Variants in NDUFS1 observed in about 807,000 individuals in gnomAD.
The protein encoded by NDUFS1 is NADH-ubiquinone oxidoreductase 75 kDa subunit, mitochondrial.
A neutral mutation model predicts 84.4 loss-of-function variants in NDUFS1; 61 were observed. The ratio of observed to expected loss-of-function variants is 0.72; its 90% CI spans 0.59 to 0.89. NDUFS1 has a LOEUF of 0.89. Ranked by LOEUF, NDUFS1 falls within the 40% of genes least tolerant of loss-of-function variation. NDUFS1 has a pLI of 0.00. For synonymous variants in NDUFS1, 275 were observed against 290.0 expected (o/e 0.95, Z 0.53); for missense variants, 891 against 890.0 (o/e 1.00, Z -0.01).
rs552008380 is a variant in NDUFS1, at chr2:206,153,717, G to GA, written c.-4-36dup. 4,008 of 1,166,580 alleles carry GA rather than the reference G, an allele frequency of 3.4e-3. 14 individuals carry two copies. The highest frequency in any genetic ancestry group is 4.2e-3 in the Non-Finnish European group (3,358 of 797,040). The allele number at this position is 1,166,580 out of a possible 1,614,324, so 72.3% of individuals were successfully genotyped here. ...AAACAAAGAATTATATTATTGTAGG[G>GA]AAAAAAACAATCACCAACTGTTTGG... is the stretch of plus-strand genomic sequence containing the variant. On this transcript the variant is annotated intron_variant, in intron 1 of 18. Transcript: ENST00000233190.
intron 4 of NDUFS1, 127 bp from the exon 5 acceptor site, chr2:206,149,223 G>C (rs1692277729): frequency 4.1e-6 from 3 of 735,314 alleles, no homozygotes; most frequent in Non-Finnish European, 6.7e-6. Context: ...GCAAAGAATA[G>C]GGTATTTTTT....
chr2:206,128,092 CTA>C (rs1691363371), intron 15 of NDUFS1, 120 bp from the exon 16 acceptor site: 4 of 1,124,188 alleles, frequency 3.6e-6, no homozygotes, highest in Non-Finnish European at 5.2e-6. Flanking sequence ...GTTTTTAAAA[CTA>C]AAATGAAACA....
At chr2:206,157,248 G>A (rs942624899) in intron 1 of NDUFS1, among the ~76,000 whole-genome samples, 23 of 152,256 alleles carry the variant, frequency 1.5e-4, no homozygotes, top group African/African-American at 5.1e-4. Flanking sequence ...ACCGCGCCTG[G>A]CAGACAACCA....
chr2:206,137,712 A>G (rs1691775356), intron 13 of NDUFS1, among the ~76,000 whole-genome samples: 1 of 152,216 alleles, frequency 6.6e-6, no homozygotes, highest in South Asian at 2.1e-4. Context: ...GGGAAAAGCA[A>G]AACAATAAAG....
At chr2:206,125,873 G>C (rs755834482) in intron 18 of NDUFS1, among the ~76,000 whole-genome samples, 10 of 152,054 alleles carry the variant, frequency 6.6e-5, no homozygotes, top group Non-Finnish European at 1.5e-4. Context: ...TAAGTTCGCA[G>C]ATAAATACCA....
intron 18 of NDUFS1, 121 bp from the exon 19 acceptor site, chr2:206,124,397 A>T (rs553647073): frequency 1.3e-6 from 1 of 743,906 alleles, no homozygotes; most frequent in South Asian, 1.5e-5. Flanking sequence ...GCAAGTATAT[A>T]TAATTATATG....
intron 3 of NDUFS1, among the ~76,000 whole-genome samples, chr2:206,150,461 C>T (rs1044596624): frequency 2.6e-5 from 4 of 152,214 alleles, no homozygotes; most frequent in African/African-American, 9.6e-5. Flanking sequence ...TCTGCAATTT[C>T]TTCCTCCTTT....
intron 7 of NDUFS1, 138 bp from the exon 8 acceptor site, chr2:206,147,226 T>C: frequency 1.1e-6 from 1 of 909,210 alleles, no homozygotes. Flanking sequence ...AGTCCTAGAA[T>C]AAAAAATAAT....
At chr2:206,145,086 C>A in intron 8 of NDUFS1, 60 bp from the exon 9 acceptor site, 1 of 1,511,664 alleles carries the variant, frequency 6.6e-7, no homozygotes, top group Non-Finnish European at 8.9e-7. Flanking sequence ...GTTTCTGTTA[C>A]CTGGTTTACC....
rs532867655 is a variant in NDUFS1 at position 206,115,640 on chromosome 2, T to A, written c.*8545A>T. On this transcript the variant is annotated 3_prime_UTR_variant, in exon 19 of 19. Transcript: ENST00000233190. ...AAAAACAGCACCAGCAAATGCAGTG[T>A]ATTGCAAAATTAAGATAGTGTTGTT... The A allele has an allele frequency of 1.2e-5, 4 of 330,174 alleles. No individual in the cohort carries two copies. The highest frequency in any genetic ancestry group is 6.5e-5 in the African/African-American group (3 of 45,824). 20.5% of individuals were successfully genotyped at this position (330,174 alleles called of 1,614,324 possible).
At chr2:206,136,579 G>A (rs1172555513) in intron 13 of NDUFS1, among the ~76,000 whole-genome samples, 1 of 151,292 alleles carries the variant, frequency 6.6e-6, no homozygotes, top group Admixed American at 6.6e-5. Flanking sequence ...GATTACAGGT[G>A]CCCATCACCA....
In NDUFS1 at chr2:206,138,582, A is replaced by C; in HGVS notation, c.1295T>G (p.Ile432Arg). ...GTAAGTGAGGTCCACTGGACTGCCT[A>C]TAAGGGCCACTTTTAAGTCATTATG... ...WLHNDLKVALIGSPVDLTYTY... is the reference protein window; with the variant it reads ...WLHNDLKVALRGSPVDLTYTY... The change falls in exon 13 of 19, where the codon ATA (isoleucine) becomes AGA (arginine). Residue 432 changes from isoleucine to arginine, a missense_variant. Physicochemically the swap from Ile to Arg is moderately conservative, Grantham distance 97. Coordinates refer to ENST00000233190, the MANE Select transcript of NDUFS1 (RefSeq NM_005006.7). 6.2e-7 allele frequency: 1 copy of C among 1,614,006 alleles called. No homozygotes were observed. Among genetic ancestry groups the C allele is most frequent in the Non-Finnish European group, 8.5e-7 (1 of 1,179,866 alleles).
In NDUFS1 at chr2:206,142,086, TA is replaced by T; in HGVS notation, c.1134-18del. ...AAATCTGTGCTAGAAATACAATATA[TA>T]AAATGCAAATTTACTTTAAAATTAA... On this transcript the variant is annotated intron_variant, in intron 11 of 18. Coordinates refer to ENST00000233190, the MANE Select transcript of NDUFS1 (RefSeq NM_005006.7). 6.4e-7 allele frequency: 1 copy of T among 1,566,600 alleles called. No homozygotes were observed. The highest frequency in any genetic ancestry group is 8.8e-7 in the Non-Finnish European group (1 of 1,137,424).
chr2:206,143,179 G>T (rs1692029123), intron 10 of NDUFS1, among the ~76,000 whole-genome samples: 1 of 152,312 alleles, frequency 6.6e-6, no homozygotes, highest in East Asian at 1.9e-4. Context: ...TTGAACCAAG[G>T]AGGCAGAGGC....
At chr2:206,154,799 A>C (rs1250110565) in intron 1 of NDUFS1, among the ~76,000 whole-genome samples, 2 of 151,220 alleles carry the variant, frequency 1.3e-5, no homozygotes, top group Non-Finnish European at 2.9e-5. Context: ...AATTTTTTGT[A>C]TCTTTAGTAG....
chr2:206,158,040 T>A (rs527257549), intron 1 of NDUFS1, among the ~76,000 whole-genome samples: 2 of 149,442 alleles, frequency 1.3e-5, no homozygotes, highest in South Asian at 4.2e-4. Flanking sequence ...CTCGGCTCAC[T>A]GCAAGCCCCG....
rs182112061 is a variant in NDUFS1, at chr2:206,129,991, T to C, written c.1708+97A>G. 829 of 1,497,484 alleles carry C rather than the reference T, an allele frequency of 5.5e-4. 8 individuals carry two copies. The East Asian group carries it at 0.011, about 21-fold the overall frequency. 92.8% of individuals were successfully genotyped at this position (1,497,484 alleles called of 1,614,324 possible). ...GAGTGGGGGAGGCAAAATTCTCAAA[T>C]GGAAAACATTCAGTTCACTAAATAT... On this transcript the variant is annotated intron_variant, in intron 15 of 18. Transcript: ENST00000233190.
chr2:206,143,853 A>C (rs1208074982), intron 10 of NDUFS1, among the ~76,000 whole-genome samples, 165 bp downstream of exon 10: 1 of 152,232 alleles, frequency 6.6e-6, no homozygotes, highest in Non-Finnish European at 1.5e-5. Context: ...TTAATAGCAT[A>C]ATATCTAGCA....
Position 206,146,965 on chromosome 2 carries a change from G to C in NDUFS1, c.675C>G (p.Ile225Met), listed in dbSNP as rs779381916. The change falls in exon 8 of 19, where the codon ATC becomes ATG. Residue 225 changes from isoleucine (I) to methionine (M), a missense_variant. By Grantham distance (10) the Ile-to-Met change is conservative. Transcript: ENST00000233190. ...MSELSGNIID[I>M]CPVGALTSKP... The stretch of plus-strand genomic sequence containing the variant: ...TAGAGGTTAGGGCACCTACAGGGCA[G>C]ATATCAATGATATTCCCAGACAGTT... 1.2e-6 allele frequency: 2 copies of C among 1,614,002 alleles called. No homozygotes were observed. Among genetic ancestry groups the C allele is most frequent in the Non-Finnish European group, 1.7e-6 (2 of 1,179,982 alleles).
Sources: allele counts gnomAD v4.1 joint callset (sites outside exome capture counted in the v4.1 genomes callset), GRCh38; gene constraint gnomAD v4.1.1; transcripts MANE v1.5; gene names NCBI Gene and HGNC (gene_info 2026-07-23, HGNC 2026-07-21).